Variants in PRR12 observed in about 807,000 individuals in gnomAD.
PRR12 encodes proline rich 12.
A neutral mutation model predicts 138.0 loss-of-function variants in PRR12; 12 were observed. The ratio of observed to expected loss-of-function variants is 0.09; its 90% CI spans 0.06 to 0.14. The LOEUF is 0.14. Among genes scored for constraint, PRR12 ranks in the 10% least tolerant of loss-of-function variants. The probability of loss-of-function intolerance (pLI) is 1.00; values close to 1 mark genes in which losing one functional copy is unlikely to be tolerated. For missense variants in PRR12, 2,692 were observed against 2,861.3 expected (o/e 0.94, Z 1.35); for synonymous variants, 1,567 against 1,291.7 (o/e 1.21, Z -4.57).
In PRR12 at chr19:49,594,309, C is replaced by T; in HGVS notation, c.200-145C>T. 3.0e-6 allele frequency: 2 copies of T among 671,898 alleles called. No homozygotes were observed. The highest frequency in any genetic ancestry group is 4.9e-6 in the Non-Finnish European group (2 of 411,370). The allele number at this position is 671,898 out of a possible 1,614,324, so 41.6% of individuals were successfully genotyped here. On this transcript the variant is annotated intron_variant, in intron 2 of 13. Transcript: ENST00000418929. The surrounding 1 kb of genome is among the most constrained non-coding windows in gnomAD (Gnocchi z 5.6). ...TCATTCATGTCTCATTAGCTTGGTTCTATCCATCTTGTTTTTGAATTTGCC... is the reference window on the plus strand; with the variant it reads ...TCATTCATGTCTCATTAGCTTGGTTTTATCCATCTTGTTTTTGAATTTGCC...
At chr19:49,615,380 G>A (rs901049771) in intron 8 of PRR12, among the ~76,000 whole-genome samples, 3 of 142,644 alleles carry the variant, frequency 2.1e-5, no homozygotes, top group African/African-American at 5.1e-5. Flanking sequence ...ACCCAGAGAC[G>A]GGAGGGGACA....
At chr19:49,608,453 T>C (rs1420358758) in intron 6 of PRR12, among the ~76,000 whole-genome samples, 2 of 152,108 alleles carry the variant, frequency 1.3e-5, no homozygotes, top group African/African-American at 4.8e-5. Context: ...GCGATTCTTC[T>C]CCTTAGCCTC....
chr19:49,622,088 A>T (rs1173805169), intron 11 of PRR12, among the ~76,000 whole-genome samples: 1 of 152,158 alleles, frequency 6.6e-6, no homozygotes, highest in Non-Finnish European at 1.5e-5. Context: ...TTGGGATGTT[A>T]GTGTGGCACT....
In PRR12 at chr19:49,620,263, C is replaced by A; in HGVS notation, c.5498-89C>A. On this transcript the variant is annotated intron_variant, in intron 9 of 13. Coordinates refer to ENST00000418929, the MANE Select transcript of PRR12 (RefSeq NM_020719.3). Reference sequence around the variant, plus strand: ...CCTCCCAAAAGCAGGGATTTCTCTTCCGGTCCCCAGTGTTGAGAACAGTGT... The same window carrying A: ...CCTCCCAAAAGCAGGGATTTCTCTTACGGTCCCCAGTGTTGAGAACAGTGT... 3.2e-6 allele frequency: 5 copies of A among 1,541,648 alleles called. No individual in the cohort carries two copies. In the South Asian group the frequency reaches 4.8e-5, roughly 15 times the overall value.
At chr19:49,605,698 G>A (rs2080834828) in intron 6 of PRR12, among the ~76,000 whole-genome samples, 2 of 152,246 alleles carry the variant, frequency 1.3e-5, no homozygotes, top group African/African-American at 4.8e-5. Flanking sequence ...AGATGGGGAA[G>A]TTCACGTTCA....
chr19:49,615,351 C>A (rs904427269), intron 8 of PRR12, among the ~76,000 whole-genome samples: 5 of 150,242 alleles, frequency 3.3e-5, no homozygotes, highest in African/African-American at 1.2e-4. Flanking sequence ...GACAAAGATC[C>A]AGAGACAGGG....
Position 49,599,642 on chromosome 19 carries a change from C to T in PRR12, c.4049C>T (p.Ala1350Val), listed in dbSNP as rs767490878. Residue 1350 changes from alanine (A) to valine (V), a missense_variant, in exon 5 of 14, where the codon GCA becomes GTA. Around this residue, in one of 11 missense-constraint regions of PRR12, gnomAD observed 326 missense variants for 344.2 expected, o/e 0.95. Coordinates refer to ENST00000418929, the MANE Select transcript of PRR12 (RefSeq NM_020719.3). This position sits in a 1 kb window ranked among gnomAD's most constrained non-coding sequence, Gnocchi z 5.0. ...GGGCTTGGGGGCGCCCTGGAGGCTG[C>T]AGAGAGTGAGGGTCTGGGGCTTGGC... The part of the protein sequence containing the change: ...AFGLGGALEA[A>V]ESEGLGLGCP... The T allele has an allele frequency of 1.2e-6, 2 of 1,608,724 alleles. No homozygotes were observed. Among genetic ancestry groups the T allele is most frequent in the Non-Finnish European group, 1.7e-6 (2 of 1,176,138 alleles).
rs2080779552 is a variant in PRR12 at position 49,597,331 on chromosome 19, C to T, written c.2996C>T (p.Ser999Leu). Residue 999 changes from serine (S) to leucine (L), a missense_variant, in exon 4 of 14, where the codon TCG becomes TTG. Physicochemically the swap from Ser to Leu is moderately radical, Grantham distance 145 (BLOSUM62 -2). Transcript: ENST00000418929. This position sits in a 1 kb window ranked among gnomAD's most constrained non-coding sequence, Gnocchi z 6.3. ...PYGPYCPGRA[S>L]GAGPETPGLG... Reference sequence around the variant, plus strand: ...GGGCCCTACTGTCCTGGCCGGGCGTCGGGAGCCGGGCCCGAGACACCGGGC... The same window carrying T: ...GGGCCCTACTGTCCTGGCCGGGCGTTGGGAGCCGGGCCCGAGACACCGGGC... The T allele has an allele frequency of 1.9e-6, 3 of 1,543,804 alleles. No individual in the cohort carries two copies. Among genetic ancestry groups the T allele is most frequent in the African/African-American group, 1.4e-5 (1 of 73,284 alleles).
At chr19:49,598,481 T>G (rs2080790797) in intron 4 of PRR12, among the ~76,000 whole-genome samples, 2 of 152,090 alleles carry the variant, frequency 1.3e-5, no homozygotes, top group African/African-American at 4.8e-5. Context: ...GAAGTTAGCG[T>G]GAGGAATTTC....
chr19:49,604,272 G>T (rs2080827130), intron 6 of PRR12, among the ~76,000 whole-genome samples: 2 of 151,800 alleles, frequency 1.3e-5, no homozygotes, highest in Non-Finnish European at 2.9e-5. Flanking sequence ...AGAGACTGAG[G>T]TGAGAGGCTC....
rs1055202051 is a variant in PRR12 at position 49,616,360 on chromosome 19, G to A, written c.5497+141G>A. 5.7e-5 allele frequency: 41 copies of A among 719,044 alleles called. No individual in the cohort carries two copies. Among genetic ancestry groups the A allele is most frequent in the Non-Finnish European group, 8.2e-5 (39 of 476,660 alleles). The allele number at this position is 719,044 out of a possible 1,614,324, so 44.5% of individuals were successfully genotyped here. A position where few individuals can be genotyped will look rare whatever the true frequency, so the allele number is the denominator to read the frequency against. On this transcript the variant is annotated intron_variant, in intron 9 of 13. Coordinates refer to ENST00000418929, the MANE Select transcript of PRR12 (RefSeq NM_020719.3). This position sits in a 1 kb window ranked among gnomAD's most constrained non-coding sequence, Gnocchi z 4.2. ...GATAATGGCAGTAGCTCACAGTCAC[G>A]GGGCATCTCACTACACGACAGGCTG...
intron 6 of PRR12, among the ~76,000 whole-genome samples, chr19:49,609,856 A>G (rs2080856853): frequency 6.6e-6 from 1 of 152,194 alleles, no homozygotes; most frequent in East Asian, 1.9e-4. Flanking sequence ...TGTGCCGTTT[A>G]GAGCCCCTGG....
chr19:49,618,086 A>G (rs1008507610), intron 9 of PRR12, among the ~76,000 whole-genome samples: 1 of 152,170 alleles, frequency 6.6e-6, no homozygotes, highest in Non-Finnish European at 1.5e-5. Flanking sequence ...CAACAGAGGG[A>G]AACTCGGTCT....
At chr19:49,617,762 A>C (rs75407186) in intron 9 of PRR12, among the ~76,000 whole-genome samples, 3,201 of 151,994 alleles carry the variant, frequency 0.021, 149 homozygotes, top group East Asian at 0.13. Flanking sequence ...CAAATGAGGA[A>C]GGCGGAATTG....
intron 9 of PRR12, 76 bp from the exon 10 acceptor site, chr19:49,620,276 T>G: frequency 6.3e-7 from 1 of 1,583,260 alleles, no homozygotes; most frequent in Non-Finnish European, 8.6e-7. Context: ...GTCCCCAGTG[T>G]TGAGAACAGT....
Position 49,594,346 on chromosome 19 carries a change from C to A in PRR12, c.200-108C>A. On this transcript the variant is annotated intron_variant, in intron 2 of 13. Transcript: ENST00000418929. This position sits in a 1 kb window ranked among gnomAD's most constrained non-coding sequence, Gnocchi z 5.6. The stretch of plus-strand genomic sequence containing the variant: ...TTTTTGAATTTGCCCTTTTCTCTCC[C>A]ATCCCCTCCTTTTCCTGATCCAACT... 9.0e-7 allele frequency: 1 copy of A among 1,113,254 alleles called. No individual in the cohort carries two copies. 69.0% of individuals were successfully genotyped at this position (1,113,254 alleles called of 1,614,324 possible).
intron 6 of PRR12, among the ~76,000 whole-genome samples, chr19:49,603,145 T>C (rs1019790840): frequency 2.6e-5 from 4 of 152,262 alleles, no homozygotes; most frequent in Admixed American, 2.6e-4. Context: ...TGGCCTCTAC[T>C]GTACTGGGTT....
chr19:49,605,988 C>T (rs1568426963), intron 6 of PRR12, among the ~76,000 whole-genome samples: 1 of 152,136 alleles, frequency 6.6e-6, no homozygotes, highest in African/African-American at 2.4e-5. Flanking sequence ...ATCTCTGCCA[C>T]TTATTATTAT....
Position 49,601,476 on chromosome 19 carries a change from C to T in PRR12, c.4346-15C>T, listed in dbSNP as rs1307416322. ...GATGAATAACATCCAGGCCTGATGTCCCTGTCTCCCCCAGAGCCCCCGCTG... is the reference window on the plus strand; with the variant it reads ...GATGAATAACATCCAGGCCTGATGTTCCTGTCTCCCCCAGAGCCCCCGCTG... On this transcript the variant is annotated splice_polypyrimidine_tract_variant and intron_variant, in intron 5 of 13. Coordinates refer to ENST00000418929, the MANE Select transcript of PRR12 (RefSeq NM_020719.3). 5 of 1,416,418 alleles carry T rather than the reference C, an allele frequency of 3.5e-6. No individual in the cohort carries two copies. The highest frequency in any genetic ancestry group is 2.1e-5 in the Admixed American group (1 of 46,640). The allele number at this position is 1,416,418 out of a possible 1,614,324, so 87.7% of individuals were successfully genotyped here. A position where few individuals can be genotyped will look rare whatever the true frequency, so the allele number is the denominator to read the frequency against.
Sources: allele counts gnomAD v4.1 joint callset (sites outside exome capture counted in the v4.1 genomes callset), GRCh38; gene constraint gnomAD v4.1.1; regional missense constraint gnomAD v4.1.1; non-coding constraint Gnocchi (gnomAD v3.1); transcripts MANE v1.5; gene names NCBI Gene and HGNC (gene_info 2026-07-23, HGNC 2026-07-21).